TRAK1: variants seen among roughly 807,000 people sequenced by gnomAD.
TRAK1 encodes the protein trafficking kinesin-binding protein 1.
TRAK1 carries 33 observed loss-of-function variants against 92.1 expected under a neutral mutation model. The ratio of observed to expected loss-of-function variants is 0.36; its 90% CI spans 0.27 to 0.48. The LOEUF (loss-of-function observed/expected upper bound fraction) is 0.48. Ranked by LOEUF, TRAK1 falls within the 20% of genes least tolerant of loss-of-function variation. The pLI is 0.99. For missense variants in TRAK1, 1,123 were observed against 1,257.9 expected, an observed-to-expected ratio of 0.89 and a Z score of 1.62; for synonymous variants, 521 against 517.3, an observed-to-expected ratio of 1.01 and a Z score of -0.10.
At chr3:42,086,336 C>T (rs1253213528), upstream of TRAK1, among the ~76,000 whole-genome samples, 11 of 138,396 alleles carry the variant, frequency 7.9e-5, no homozygotes, top group African/African-American at 2.8e-4. Flanking sequence ...AGATGAGTCT[C>T]ACTCTGTTGC....
chr3:42,080,996 T>A (rs758639118), intron 1 of TRAK1, among the ~76,000 whole-genome samples: 25 of 152,086 alleles, frequency 1.6e-4, no homozygotes, highest in Non-Finnish European at 3.1e-4. Context: ...CACCTCAACC[T>A]CCCTAGTAGC....
chr3:42,067,258 G>A (rs999942724), intron 1 of TRAK1, among the ~76,000 whole-genome samples: 1 of 152,194 alleles, frequency 6.6e-6, no homozygotes, highest in African/African-American at 2.4e-5. Flanking sequence ...GTTAACTGAA[G>A]GAACTTTTAT....
At chr3:42,096,347 G>T (rs1159758461) in intron 1 of TRAK1, among the ~76,000 whole-genome samples, 2 of 152,094 alleles carry the variant, frequency 1.3e-5, no homozygotes, top group Non-Finnish European at 2.9e-5. Context: ...CTGCCTCCCG[G>T]GTTCAAGTGA....
In TRAK1 at chr3:42,092,564, A is replaced by T. The variant is rs556185623; in HGVS notation, c.91+1004A>T. Among the ~76,000 whole-genome samples, 64 of 152,252 alleles carry T rather than the reference A, an allele frequency of 4.2e-4. No homozygotes were observed. The Middle Eastern group carries it at 0.01, about 24-fold the overall frequency. On this transcript the variant is annotated intron_variant, in intron 1 of 15. Coordinates refer to ENST00000327628, the MANE Select transcript of TRAK1 (RefSeq NM_001042646.3). Reference sequence around the variant, plus strand: ...AGAGCACAGAGGTGGGCCAGGGTGTAAAGGAGAAGCTGTAAACCGAGTGAG... The same window carrying T: ...AGAGCACAGAGGTGGGCCAGGGTGTTAAGGAGAAGCTGTAAACCGAGTGAG...
rs905390074 is a variant in TRAK1 at position 42,224,420 on chromosome 3, C to G, written c.*683C>G. 35 of 239,514 alleles carry G rather than the reference C, an allele frequency of 1.5e-4. No homozygotes were observed. Among genetic ancestry groups the G allele is most frequent in the Non-Finnish European group, 6.5e-5 (8 of 122,172 alleles). The allele number at this position is 239,514 out of a possible 1,614,324, so 14.8% of individuals were successfully genotyped here. ...CAGCTGTCAGGCCAAATGTCTGACC[C>G]GAAAGAGAATGTATTTACACTCATG... On this transcript the variant is annotated 3_prime_UTR_variant, in exon 16 of 16. Coordinates refer to ENST00000327628, the MANE Select transcript of TRAK1 (RefSeq NM_001042646.3).
At chr3:42,058,662 T>A (rs1290859716) in intron 1 of TRAK1, among the ~76,000 whole-genome samples, 2 of 152,156 alleles carry the variant, frequency 1.3e-5, no homozygotes, top group Non-Finnish European at 2.9e-5. Flanking sequence ...ACCTTTAAAG[T>A]CAACCTGTCC....
intron 2 of TRAK1, among the ~76,000 whole-genome samples, chr3:42,155,777 G>A (rs1700465031): frequency 6.6e-6 from 1 of 152,178 alleles, no homozygotes; most frequent in Non-Finnish European, 1.5e-5. Context: ...AGTGTGACTG[G>A]TTTTTAAACT....
At chr3:42,063,562 T>C (rs1367836558) in intron 1 of TRAK1, among the ~76,000 whole-genome samples, 1 of 152,124 alleles carries the variant, frequency 6.6e-6, no homozygotes, top group East Asian at 1.9e-4. Context: ...GGGACACGCC[T>C]GTAGCCCCGT....
chr3:42,092,772 T>TGTTATGTTATGTTATGTTATGTTA (rs1559754457), intron 1 of TRAK1, among the ~76,000 whole-genome samples: 1 of 151,848 alleles, frequency 6.6e-6, no homozygotes. Context: ...TGTTATGTTA[T>TGTTATGTTATGTTATGTTATGTTA]TTCGTGACTC....
At chr3:42,109,936 A>C (rs1708103652) in intron 1 of TRAK1, among the ~76,000 whole-genome samples, 1 of 150,392 alleles carries the variant, frequency 6.6e-6, no homozygotes. Flanking sequence ...GGAACATCAC[A>C]CACCGGGGCC....
chr3:42,141,174 C>A (rs1698606485), intron 2 of TRAK1, among the ~76,000 whole-genome samples: 2 of 152,186 alleles, frequency 1.3e-5, no homozygotes, highest in South Asian at 4.1e-4. Context: ...TTCATATACT[C>A]ACCCAACTAA....
intron 2 of TRAK1, chr3:42,146,325 G>C (rs951328720): frequency 3.4e-6 from 1 of 297,290 alleles, no homozygotes; most frequent in Non-Finnish European, 6.9e-6. Flanking sequence ...CCTGACCTCA[G>C]TATTGGGATA....
At chr3:42,045,893 G>T (rs1702732235) in intron 1 of TRAK1, among the ~76,000 whole-genome samples, 1 of 152,220 alleles carries the variant, frequency 6.6e-6, no homozygotes, top group Non-Finnish European at 1.5e-5. Context: ...ACTTTATAAT[G>T]TGCTTTATTC....
intron 2 of TRAK1, among the ~76,000 whole-genome samples, chr3:42,169,239 GT>G (rs1163914205): frequency 1.4e-4 from 20 of 147,374 alleles, no homozygotes; most frequent in Admixed American, 8.8e-4. Context: ...ATTTTCGTGT[GT>G]TTTTTTTTCT....
At chr3:42,175,559 T>C (rs1703107120) in intron 2 of TRAK1, among the ~76,000 whole-genome samples, 1 of 152,186 alleles carries the variant, frequency 6.6e-6, no homozygotes, top group Non-Finnish European at 1.5e-5. Context: ...CTGGTGGCAC[T>C]GTCTTGGTAG....
At chr3:42,064,951 G>A (rs72867953) in intron 1 of TRAK1, among the ~76,000 whole-genome samples, 7,679 of 152,136 alleles carry the variant, frequency 0.05, 651 homozygotes, top group African/African-American at 0.17. Context: ...TACGCAGGAG[G>A]TTCAGGCAGG....
At chr3:42,095,903 T>C (rs565388368) in intron 1 of TRAK1, among the ~76,000 whole-genome samples, 24 of 152,306 alleles carry the variant, frequency 1.6e-4, no homozygotes, top group African/African-American at 4.6e-4. Context: ...TTAGTGGCCT[T>C]ATAAAAGAGG....
intron 2 of TRAK1, among the ~76,000 whole-genome samples, chr3:42,126,927 A>C (rs1710635997): frequency 6.6e-6 from 1 of 152,228 alleles, no homozygotes; most frequent in African/African-American, 2.4e-5. Flanking sequence ...AATACTGCAG[A>C]TAATCAGTTT....
chr3:42,149,646 G>A (rs1203067796), intron 2 of TRAK1: 1 of 1,535,688 alleles, frequency 6.5e-7, no homozygotes, highest in Non-Finnish European at 8.7e-7. Flanking sequence ...TAGGGGTATT[G>A]TCTCCTTCTG....
Sources: allele counts gnomAD v4.1 joint callset (sites outside exome capture counted in the v4.1 genomes callset), GRCh38; gene constraint gnomAD v4.1.1; transcripts MANE v1.5; gene names NCBI Gene and HGNC (gene_info 2026-07-23, HGNC 2026-07-21).